CTDSP2: variants seen among roughly 807,000 people sequenced by gnomAD.
CTDSP2 encodes the protein carboxy-terminal domain RNA polymerase II polypeptide A small phosphatase 2.
CTDSP2 carries 9 observed loss-of-function variants against 31.6 expected under a neutral mutation model. The observed-to-expected ratio is 0.28, with a 90% confidence interval of 0.17 to 0.50. The LOEUF (loss-of-function observed/expected upper bound fraction) is 0.50, where lower values mean the gene tolerates loss of function less well. Ranked by LOEUF, CTDSP2 falls within the 20% of genes least tolerant of loss-of-function variation. The pLI is 0.98. For synonymous variants in CTDSP2, 134 were observed against 134.5 expected, an observed-to-expected ratio of 1.00 and a Z score of 0.03; for missense variants, 267 against 348.5, an observed-to-expected ratio of 0.77 and a Z score of 1.86.
chr12:57,844,481 C>T (rs1956301483), intron 1 of CTDSP2, among the ~76,000 whole-genome samples: 1 of 152,162 alleles, frequency 6.6e-6, no homozygotes, highest in African/African-American at 2.4e-5. Flanking sequence ...GCAAGAGAGT[C>T]CCTGCAAGAG....
intron 1 of CTDSP2, chr12:57,842,122 G>C (rs924425361): frequency 6.6e-6 from 1 of 151,508 alleles, no homozygotes; most frequent in Non-Finnish European, 1.5e-5. Flanking sequence ...CCAAAAGCTA[G>C]CAGAAAAAAA....
At chr12:57,835,305 G>T (rs1383409853) in intron 1 of CTDSP2, among the ~76,000 whole-genome samples, 1 of 151,526 alleles carries the variant, frequency 6.6e-6, no homozygotes, top group African/African-American at 2.4e-5. Context: ...TCCAGCCTGG[G>T]CAACAAGAGC....
At chr12:57,839,515 A>C (rs10783852) in intron 1 of CTDSP2, among the ~76,000 whole-genome samples, 35,799 of 151,974 alleles carry the variant, frequency 0.24, 5,517 homozygotes, top group East Asian at 0.59. Flanking sequence ...TCAGGAGATC[A>C]AGACCATCCT....
At chr12:57,835,782 C>T (rs774470612) in intron 1 of CTDSP2, among the ~76,000 whole-genome samples, 9 of 152,112 alleles carry the variant, frequency 5.9e-5, no homozygotes, top group South Asian at 2.1e-4. Flanking sequence ...CCTACTGAGG[C>T]GGGGTGTGAG....
intron 1 of CTDSP2, among the ~76,000 whole-genome samples, chr12:57,841,430 T>C (rs962091277): frequency 2.0e-5 from 3 of 152,358 alleles, no homozygotes; most frequent in Admixed American, 2.0e-4. Flanking sequence ...GAATGTAGCA[T>C]ACAGTTGTCC....
intron 1 of CTDSP2, among the ~76,000 whole-genome samples, chr12:57,832,785 C>G (rs1317898306): frequency 3.7e-5 from 2 of 53,634 alleles, no homozygotes; most frequent in Non-Finnish European, 7.2e-5. Flanking sequence ...GAGCGAGACT[C>G]TGGCTAAAAA....
chr12:57,840,763 TG>T (rs1275323609), intron 1 of CTDSP2, among the ~76,000 whole-genome samples: 2 of 112,492 alleles, frequency 1.8e-5, no homozygotes, highest in African/African-American at 6.9e-5. Context: ...TTTGGGGGGA[TG>T]GGGGTGGGGG....
intron 1 of CTDSP2, 105 bp downstream of exon 1, chr12:57,846,267 G>T: frequency 9.4e-7 from 1 of 1,059,364 alleles, no homozygotes; most frequent in Non-Finnish European, 1.4e-6. Flanking sequence ...CGGGATCGCT[G>T]GCTCTAAGCC....
chr12:57,821,782 T>A lies in CTDSP2; in HGVS notation c.*1820A>T, dbSNP rs1261570351. 2 of 152,090 alleles carry A rather than the reference T, an allele frequency of 1.3e-5. No individual in the cohort carries two copies. The highest frequency in any genetic ancestry group is 1.5e-5 in the Non-Finnish European group (1 of 68,030). 9.4% of individuals were successfully genotyped at this position (152,090 alleles called of 1,614,324 possible). A position where few individuals can be genotyped will look rare whatever the true frequency, so the allele number is the denominator to read the frequency against. On this transcript the variant is annotated 3_prime_UTR_variant, in exon 8 of 8. Transcript: ENST00000398073. ...ATGCTGGCGGAAATGGCCACATGAG[T>A]TCTGGGGACTCTGTTCCACTTTATG...
intron 5 of CTDSP2, among the ~76,000 whole-genome samples, chr12:57,825,741 C>T (rs1956178906): frequency 6.6e-6 from 1 of 152,220 alleles, no homozygotes; most frequent in African/African-American, 2.4e-5. Flanking sequence ...GACAGACACA[C>T]ACTGAGCACT....
rs571893816 is a variant in CTDSP2 at position 57,839,927 on chromosome 12, C to T, written c.64+6445G>A. 2.9e-4 allele frequency among the ~76,000 whole-genome samples: 44 copies of T among 152,074 alleles called. 1 individual carries two copies. Among genetic ancestry groups the T allele is most frequent in the Non-Finnish European group, 5.1e-4 (35 of 67,986 alleles). On this transcript the variant is annotated intron_variant, in intron 1 of 7. Coordinates refer to ENST00000398073, the MANE Select transcript of CTDSP2 (RefSeq NM_005730.4). Reference sequence around the variant, plus strand: ...GCTAGGAATAGTACCTTGCCTATGGCAAGTACTCTATAAATATTGGCTGTA... The same window carrying T: ...GCTAGGAATAGTACCTTGCCTATGGTAAGTACTCTATAAATATTGGCTGTA...
At chr12:57,823,853 G>A in intron 7 of CTDSP2, 51 bp downstream of exon 7, 1 of 1,609,808 alleles carries the variant, frequency 6.2e-7, no homozygotes, top group Non-Finnish European at 8.5e-7. Context: ...CACAGTTCCA[G>A]TCTGCTTCCT....
At chr12:57,838,978 G>A (rs1418304466) in intron 1 of CTDSP2, among the ~76,000 whole-genome samples, 3 of 152,202 alleles carry the variant, frequency 2.0e-5, no homozygotes, top group African/African-American at 7.2e-5. Flanking sequence ...CATTTCAGAG[G>A]TAGTAACAGG....
intron 1 of CTDSP2, 89 bp downstream of exon 1, chr12:57,846,283 G>C: frequency 7.9e-7 from 1 of 1,264,332 alleles, no homozygotes; most frequent in Non-Finnish European, 1.1e-6. Context: ...AAGCCCTGGA[G>C]GTCAAGGGCC....
At chr12:57,840,705 GAAATAA>G (rs769780590) in intron 1 of CTDSP2, among the ~76,000 whole-genome samples, 3 of 146,924 alleles carry the variant, frequency 2.0e-5, no homozygotes, top group Non-Finnish European at 4.5e-5. Flanking sequence ...GCTGTGGCAA[GAAATAA>G]AAGAAGGTAT....
chr12:57,829,092 C>A (rs1183517293), intron 2 of CTDSP2, among the ~76,000 whole-genome samples: 1 of 152,220 alleles, frequency 6.6e-6, no homozygotes, highest in Non-Finnish European at 1.5e-5. Context: ...GCTACATAAA[C>A]CCTCTACATA....
At chr12:57,843,328 C>G (rs1253353791) in intron 1 of CTDSP2, among the ~76,000 whole-genome samples, 1 of 152,142 alleles carries the variant, frequency 6.6e-6, no homozygotes, top group Non-Finnish European at 1.5e-5. Flanking sequence ...ATTAACATTT[C>G]TTTTTTCTTT....
chr12:57,823,763 T>G, intron 7 of CTDSP2, 36 bp from the exon 8 acceptor site: 1 of 1,613,074 alleles, frequency 6.2e-7, no homozygotes. Flanking sequence ...ATCTCCCGAC[T>G]GCTGCTTCCC....
At chr12:57,836,946 C>G (rs981358581) in intron 1 of CTDSP2, 4 of 152,222 alleles carry the variant, frequency 2.6e-5, no homozygotes, top group African/African-American at 7.2e-5. Flanking sequence ...CCATCCCCCA[C>G]AGCAAAGGAC....
Sources: allele counts gnomAD v4.1 joint callset (sites outside exome capture counted in the v4.1 genomes callset), GRCh38; gene constraint gnomAD v4.1.1; transcripts MANE v1.5; gene names NCBI Gene and HGNC (gene_info 2026-07-23, HGNC 2026-07-21).